SLC25A42: variants seen among roughly 807,000 people sequenced by gnomAD.
SLC25A42 encodes the protein mitochondrial coenzyme A transporter SLC25A42.
A neutral mutation model predicts 34.7 loss-of-function variants in SLC25A42; 19 were observed. That is an observed-to-expected ratio of 0.55 (90% confidence interval 0.38 to 0.80). The LOEUF is 0.80. Among genes scored for constraint, SLC25A42 ranks in the 30% least tolerant of loss-of-function variants. The pLI is 0.00. For missense variants in SLC25A42, 364 were observed against 441.3 expected (o/e 0.82, Z 1.57); for synonymous variants, 205 against 191.2 (o/e 1.07, Z -0.59).
chr19:19,092,599 G>C (rs2059743755), intron 1 of SLC25A42, among the ~76,000 whole-genome samples: 1 of 152,308 alleles, frequency 6.6e-6, no homozygotes, highest in East Asian at 1.9e-4. Context: ...TCACAGGACT[G>C]TGACCTCCTG....
chr19:19,108,026 G>C lies in SLC25A42; in HGVS notation c.630G>C (p.Thr210=). 1 of 1,594,744 alleles carries C rather than the reference G, an allele frequency of 6.3e-7. No homozygotes were observed. Among genetic ancestry groups the C allele is most frequent in the African/African-American group, 1.3e-5 (1 of 74,486 alleles). ...GCCTGAGCTTCTTCACCTATGAGAC[G>C]CTCAAGAGCTTGCACAGAGGTAAGG... ...YAGLSFFTYE[T]LKSLHREYSG... The change falls in exon 7 of 8, where the codon ACG becomes ACC. Residue 210 remains threonine (T), a synonymous_variant. Transcript: ENST00000318596.
At chr19:19,108,157 C>A in intron 7 of SLC25A42, 112 bp downstream of exon 7, 1 of 1,251,026 alleles carries the variant, frequency 8.0e-7, no homozygotes, top group South Asian at 1.6e-5. Flanking sequence ...GGTACGACCC[C>A]TGGGTGGGGC....
At chr19:19,098,937 C>T (rs1053946206) in intron 2 of SLC25A42, among the ~76,000 whole-genome samples, 2 of 152,084 alleles carry the variant, frequency 1.3e-5, no homozygotes, top group Admixed American at 6.6e-5. Flanking sequence ...ACAAACAAAA[C>T]GACAAACTGA....
At chr19:19,102,200 A>G (rs954401125) in intron 3 of SLC25A42, among the ~76,000 whole-genome samples, 9 of 151,824 alleles carry the variant, frequency 5.9e-5, no homozygotes, top group Non-Finnish European at 5.9e-5. Context: ...TAGTAGAGAC[A>G]GGGTTTCACT....
chr19:19,105,300 G>T, intron 4 of SLC25A42: 2 of 577,044 alleles, frequency 3.5e-6, no homozygotes, highest in Non-Finnish European at 6.1e-6. Context: ...TTTGCAGCCT[G>T]GTTCGCTTTG....
chr19:19,096,739 C>A (rs1438086225), intron 2 of SLC25A42, among the ~76,000 whole-genome samples: 1 of 152,050 alleles, frequency 6.6e-6, no homozygotes, highest in Non-Finnish European at 1.5e-5. Context: ...GAGTTTGAGA[C>A]CAGCCTGGGC....
intron 6 of SLC25A42, 26 bp downstream of exon 6, chr19:19,106,411 A>C: frequency 6.3e-7 from 1 of 1,583,510 alleles, no homozygotes; most frequent in Non-Finnish European, 8.6e-7. Context: ...GGTGATGCGC[A>C]TCAGCCCCGG....
At chr19:19,088,433 C>T (rs537786081) in intron 1 of SLC25A42, among the ~76,000 whole-genome samples, 2 of 152,084 alleles carry the variant, frequency 1.3e-5, no homozygotes, top group East Asian at 3.9e-4. Context: ...GACTCGATCT[C>T]CTGACCTCGT....
chr19:19,106,331 TGACCTACCCCCTG>T lies in SLC25A42; in HGVS notation c.449_461del (p.Tyr150TrpfsTer8), dbSNP rs1361036126. The T allele has an allele frequency of 6.2e-7, 1 of 1,613,718 alleles. No homozygotes were observed. The highest frequency in any genetic ancestry group is 1.1e-5 in the South Asian group (1 of 91,072). On this transcript the variant is annotated frameshift_variant, in exon 6 of 8. Coordinates refer to ENST00000318596, the MANE Select transcript of SLC25A42 (RefSeq NM_178526.5). LOFTEE classifies it high-confidence loss of function. ...CTGGCTGGAACGACAGCCGCTTCAC[TGACCTACCCCCTG>T]GACCTGGTCAGAGCGCGGATGGCCG...
chr19:19,096,169 T>G lies in SLC25A42; in HGVS notation c.45T>G (p.Asp15Glu), dbSNP rs756604951. The change falls in exon 2 of 8, where the codon GAT becomes GAG. Residue 15 changes from aspartate (D) to glutamate (E), a missense_variant. Physicochemically the swap from Asp to Glu is conservative, Grantham distance 45. Transcript: ENST00000318596. ...AAGGCCCGGTGCGATTGCATGAGGA[T>G]GCTGAGGCTGTCCTGTCCTCGTCCG... ...VKEGPVRLHE[D>E]AEAVLSSSVS... 6.2e-7 allele frequency: 1 copy of G among 1,613,152 alleles called. No homozygotes were observed. The highest frequency in any genetic ancestry group is 8.5e-7 in the Non-Finnish European group (1 of 1,179,992).
chr19:19,099,263 A>G (rs2059782246), intron 2 of SLC25A42, among the ~76,000 whole-genome samples: 1 of 152,156 alleles, frequency 6.6e-6, no homozygotes. Flanking sequence ...TCCATGGCGA[A>G]GTTTGGCCTC....
At chr19:19,069,828 CT>C (rs775484703) in intron 1 of SLC25A42, among the ~76,000 whole-genome samples, 436 of 139,594 alleles carry the variant, frequency 3.1e-3, no homozygotes, top group Admixed American at 3.6e-3. Context: ...ATCTCCTCTT[CT>C]TTTTTTTTTT....
At chr19:19,086,808 T>C (rs1356991775) in intron 1 of SLC25A42, among the ~76,000 whole-genome samples, 1 of 151,994 alleles carries the variant, frequency 6.6e-6, no homozygotes, top group African/African-American at 2.4e-5. Flanking sequence ...ACCTGGCTAA[T>C]TTTTGTATTT....
Position 19,066,453 on chromosome 19 carries a change from CTTTTT to C in SLC25A42, c.-35+2347_-35+2351del, listed in dbSNP as rs34535990. Among the ~76,000 whole-genome samples, 775 of 131,804 alleles carry C rather than the reference CTTTTT, an allele frequency of 5.9e-3. 11 individuals are homozygous for C. Among genetic ancestry groups the C allele is most frequent in the African/African-American group, 0.021 (733 of 35,308 alleles). 86.5% of individuals were successfully genotyped at this position (131,804 alleles called of 152,430 possible). ...TGCAGCCCATATTTTTTTTTTCTTT[CTTTTT>C]TTTTTTTTGAGTTGGATTCTTGCTC... On this transcript the variant is annotated intron_variant, in intron 1 of 7. Transcript: ENST00000318596.
chr19:19,070,991 CTTTT>C (rs35787720), intron 1 of SLC25A42, among the ~76,000 whole-genome samples: 1 of 117,200 alleles, frequency 8.5e-6, no homozygotes, highest in Non-Finnish European at 1.7e-5. Context: ...TGCATACCGT[CTTTT>C]TTTTTTTTTT....
rs539145936 is a variant in SLC25A42 at position 19,064,022 on chromosome 19, C to T, written c.-128C>T. ...GCGGGGCCGTGGCGGCTGGAGGTAG[C>T]GGCGGCGGCGACGCGTCCGGGCCGG... is the stretch of plus-strand genomic sequence containing the variant. On this transcript the variant is annotated 5_prime_UTR_variant, in exon 1 of 8. Transcript: ENST00000318596. 6.5e-6 allele frequency: 1 copy of T among 152,786 alleles called. No homozygotes were observed. The highest frequency in any genetic ancestry group is 2.4e-5 in the African/African-American group (1 of 41,486). The allele number at this position is 152,786 out of a possible 1,614,324, so 9.5% of individuals were successfully genotyped here.
chr19:19,101,051 G>A (rs966354576), intron 2 of SLC25A42, among the ~76,000 whole-genome samples: 3 of 152,148 alleles, frequency 2.0e-5, no homozygotes, highest in African/African-American at 7.2e-5. Flanking sequence ...CAGGGGAAAT[G>A]GAAACTCCAA....
chr19:19,073,763 G>A (rs1452750181), intron 1 of SLC25A42, among the ~76,000 whole-genome samples: 2 of 152,094 alleles, frequency 1.3e-5, no homozygotes, highest in African/African-American at 4.8e-5. Context: ...TAGTAGAGAC[G>A]GGGTTTAACC....
chr19:19,096,828 T>C (rs1456503488), intron 2 of SLC25A42, among the ~76,000 whole-genome samples: 1 of 151,950 alleles, frequency 6.6e-6, no homozygotes, highest in African/African-American at 2.4e-5. Flanking sequence ...TCCCAGCTAC[T>C]TGGGAGGCTG....
Sources: allele counts gnomAD v4.1 joint callset (sites outside exome capture counted in the v4.1 genomes callset), GRCh38; gene constraint gnomAD v4.1.1; transcripts MANE v1.5; gene names NCBI Gene and HGNC (gene_info 2026-07-23, HGNC 2026-07-21).